Variants in PCNT observed in about 807,000 individuals in gnomAD.
PCNT encodes pericentrin.
Under a neutral mutation model 380.4 loss-of-function variants are expected in PCNT, and 319 were observed. That is an observed-to-expected ratio of 0.84 (90% CI 0.77 to 0.92). The LOEUF (loss-of-function observed/expected upper bound fraction) is 0.92, where lower values mean the gene tolerates loss of function less well. Ranked by LOEUF, PCNT falls within the 40% of genes least tolerant of loss-of-function variation. The pLI is 0.00. For synonymous variants in PCNT, 1,845 were observed against 1,735.2 expected (o/e 1.06, Z -1.57); for missense variants, 4,400 against 4,255.3 (o/e 1.03, Z -0.95).
At chr21:46,431,309 T>C (rs2087752541) in intron 37 of PCNT, 2 of 1,417,434 alleles carry the variant, frequency 1.4e-6, no homozygotes, top group Non-Finnish European at 1.8e-6. Context: ...AACCCAGGAC[T>C]CAACACCATT....
Position 46,353,096 on chromosome 21 carries a change from T to C in PCNT, c.1457-8T>C, listed in dbSNP as rs756251830. On this transcript the variant is annotated splice_polypyrimidine_tract_variant and splice_region_variant and intron_variant, in intron 9 of 46. Transcript: ENST00000359568. ...TTAAGACGATTGCCTGACTCCGTTATGTTGCAGAGCTACATGAGCAACTCC... is the reference window on the plus strand; with the variant it reads ...TTAAGACGATTGCCTGACTCCGTTACGTTGCAGAGCTACATGAGCAACTCC... 9.3e-6 allele frequency: 15 copies of C among 1,611,506 alleles called. No individual in the cohort carries two copies. Among genetic ancestry groups the C allele is most frequent in the South Asian group, 6.6e-5 (6 of 91,016 alleles).
At chr21:46,342,450 A>G (rs1349531545) in intron 3 of PCNT, among the ~76,000 whole-genome samples, 1 of 151,434 alleles carries the variant, frequency 6.6e-6, no homozygotes, top group Admixed American at 6.6e-5. Flanking sequence ...TTACGTTCCC[A>G]CCAGCAGTGC....
chr21:46,378,294 C>G (rs1232918372), intron 15 of PCNT, among the ~76,000 whole-genome samples: 1 of 152,162 alleles, frequency 6.6e-6, no homozygotes, highest in Non-Finnish European at 1.5e-5. Context: ...CCTGTGGTGT[C>G]TCTGGCATAT....
intron 31 of PCNT, among the ~76,000 whole-genome samples, chr21:46,419,521 A>C (rs1288444501): frequency 6.6e-6 from 1 of 152,176 alleles, no homozygotes; most frequent in Admixed American, 6.5e-5. Flanking sequence ...GTCACAGCCA[A>C]GGTTTGCCCT....
In PCNT at chr21:46,353,098, T is replaced by G. The variant is rs915559723; in HGVS notation, c.1457-6T>G. 50 of 1,612,140 alleles carry G rather than the reference T, an allele frequency of 3.1e-5. No homozygotes were observed. The highest frequency in any genetic ancestry group is 4.2e-5 in the Non-Finnish European group (50 of 1,178,480). ...AAGACGATTGCCTGACTCCGTTATG[T>G]TGCAGAGCTACATGAGCAACTCCTG... On this transcript the variant is annotated splice_polypyrimidine_tract_variant and splice_region_variant and intron_variant, in intron 9 of 46. Transcript: ENST00000359568.
In PCNT at chr21:46,363,824, C is replaced by A. The variant is rs1406211134; in HGVS notation, c.2499C>A (p.Ala833=). The change falls in exon 14 of 47, where the codon GCC becomes GCA. Residue 833 remains alanine (A), a synonymous_variant. Transcript: ENST00000359568. ...QLEQDLTSDD[A]LHCSQCGREP... ...AACAGGACCTCACTTCAGACGACGC[C>A]CTGCATTGCAGCCAGTGTGGGCGGG... 1.9e-6 allele frequency: 3 copies of A among 1,612,494 alleles called. No homozygotes were observed. Among genetic ancestry groups the A allele is most frequent in the Non-Finnish European group, 2.5e-6 (3 of 1,179,146 alleles).
rs113763153 is a variant in PCNT, at chr21:46,385,942, C to T, written c.3423C>T (p.Leu1141=). The T allele has an allele frequency of 6.3e-5, 101 of 1,614,218 alleles. No individual in the cohort carries two copies. The highest frequency in any genetic ancestry group is 5.6e-4 in the South Asian group (51 of 91,082). ...ERENREGANL[L]SMLKADVNLS... The stretch of plus-strand genomic sequence containing the variant: ...AGAACCGGGAAGGCGCAAACCTCCT[C>T]TCCATGCTCAAGGCCGACGTCAACC... Residue 1141 remains leucine, a synonymous_variant, in exon 17 of 47, where the codon CTC becomes CTT. Coordinates refer to ENST00000359568, the MANE Select transcript of PCNT (RefSeq NM_006031.6).
At chr21:46,381,983 G>A (rs1389666352) in intron 16 of PCNT, 143 bp downstream of exon 16, 19 of 829,944 alleles carry the variant, frequency 2.3e-5, no homozygotes, top group East Asian at 6.2e-5. Flanking sequence ...TGGCGGAAGC[G>A]CATTCACAGT....
intron 2 of PCNT, among the ~76,000 whole-genome samples, chr21:46,333,431 CA>C (rs1378194466): frequency 6.8e-6 from 1 of 147,630 alleles, no homozygotes; most frequent in East Asian, 2.0e-4. Flanking sequence ...GACTTCGTCT[CA>C]AAAAAGACAA....
In PCNT at chr21:46,365,336, C is replaced by CGTGGGGTTCT. The variant is rs1569204223; in HGVS notation, c.2610-1248_2610-1247insGTGGGGTTCT. On this transcript the variant is annotated intron_variant, in intron 14 of 46. Coordinates refer to ENST00000359568, the MANE Select transcript of PCNT (RefSeq NM_006031.6). ...ACTGCCATGGGGTTCTATTCACTGCCATGGGGTTCTATTCACTGCCGTGGG... is the reference window on the plus strand; with the variant it reads ...ACTGCCATGGGGTTCTATTCACTGCCGTGGGGTTCTATGGGGTTCTATTCACTGCCGTGGG... Among the ~76,000 whole-genome samples, 29 of 96,986 alleles carry CGTGGGGTTCT rather than the reference C, an allele frequency of 3.0e-4. 2 individuals are homozygous for CGTGGGGTTCT. The highest frequency in any genetic ancestry group is 6.9e-4 in the South Asian group (2 of 2,914). The allele number at this position is 96,986 out of a possible 152,430, so 63.6% of individuals were successfully genotyped here. A position where few individuals can be genotyped will look rare whatever the true frequency, so the allele number is the denominator to read the frequency against.
chr21:46,324,910 A>G, intron 1 of PCNT: 1 of 985,356 alleles, frequency 1.0e-6, no homozygotes, highest in Non-Finnish European at 1.2e-6. Flanking sequence ...TTACTGTGTG[A>G]AAGGCCCCCG....
chr21:46,422,230 T>C (rs1271026884), intron 32 of PCNT, 106 bp downstream of exon 32: 1 of 1,403,914 alleles, frequency 7.1e-7, no homozygotes, highest in Non-Finnish European at 9.8e-7. Flanking sequence ...GGGCCAGCTT[T>C]TCCTGGGTGC....
rs75257961 is a variant in PCNT, at chr21:46,381,353, T to G, written c.3166-341T>G. On this transcript the variant is annotated intron_variant, in intron 15 of 46. Transcript: ENST00000359568. ...GGTTTCCAAATATCTTGGGTTTTCA[T>G]GGCTGTAATTCCTTGATGGTGAACT... Among the ~76,000 whole-genome samples, 9 of 152,282 alleles carry G rather than the reference T, an allele frequency of 5.9e-5. No individual in the cohort carries two copies. The East Asian group carries it at 1.7e-3, about 29-fold the overall frequency.
chr21:46,443,006 AG>A (rs2053652247), intron 44 of PCNT: 1 of 250,078 alleles, frequency 4.0e-6, no homozygotes, highest in African/African-American at 2.3e-5. Flanking sequence ...TGGCTGCACT[AG>A]TGCTGAAGGA....
At position 46,438,172 on chromosome 21, in the gene PCNT, G is replaced by A. The variant is rs1475588906; in HGVS notation, c.9108G>A (p.Met3036Ile). The change falls in exon 41 of 47, where the codon ATG (methionine) becomes ATA (isoleucine). Residue 3036 changes from methionine to isoleucine, a missense_variant. Physicochemically the swap from Met to Ile is conservative, Grantham distance 10. Transcript: ENST00000359568. ...LSRPTSSQKK[M>I]AAELQFQFVD... ...ATTTTCTTTTCTCCAAGAAAAAAAT[G>A]GCAGCAGAGCTGCAGTTCCAGTTTG... 1 of 1,612,990 alleles carries A rather than the reference G, an allele frequency of 6.2e-7. No individual in the cohort carries two copies. Among genetic ancestry groups the A allele is most frequent in the East Asian group, 2.2e-5 (1 of 44,880 alleles).
At chr21:46,403,118 C>T (rs779202509) in intron 27 of PCNT, among the ~76,000 whole-genome samples, 6 of 152,060 alleles carry the variant, frequency 3.9e-5, no homozygotes, top group East Asian at 1.9e-4. Flanking sequence ...CCACACAACA[C>T]GTGCTCAGTG....
intron 44 of PCNT, among the ~76,000 whole-genome samples, chr21:46,443,485 C>A (rs2053665554): frequency 6.6e-6 from 1 of 152,212 alleles, no homozygotes; most frequent in African/African-American, 2.4e-5. Flanking sequence ...CTGAGTCACA[C>A]CTGGTGGTCT....
At chr21:46,439,728 G>T (rs1601214412) in intron 41 of PCNT, among the ~76,000 whole-genome samples, 2 of 152,168 alleles carry the variant, frequency 1.3e-5, no homozygotes, top group African/African-American at 4.8e-5. Flanking sequence ...AGTTACCAGT[G>T]GTTGGCATTT....
intron 27 of PCNT, among the ~76,000 whole-genome samples, chr21:46,408,976 G>A (rs531700186): frequency 1.3e-5 from 2 of 151,946 alleles, no homozygotes; most frequent in East Asian, 3.9e-4. Flanking sequence ...CACCTGCCTC[G>A]GCTTCCCAAA....
Sources: allele counts gnomAD v4.1 joint callset (sites outside exome capture counted in the v4.1 genomes callset), GRCh38; gene constraint gnomAD v4.1.1; transcripts MANE v1.5; gene names NCBI Gene and HGNC (gene_info 2026-07-23, HGNC 2026-07-21).